TRAF3IP2: variants seen among roughly 807,000 people sequenced by gnomAD.
TRAF3IP2 encodes TRAF3 interacting protein 2.
In TRAF3IP2, 35 loss-of-function variants were observed where a neutral mutation model predicts 57.9. The observed-to-expected ratio is 0.60, with a 90% CI of 0.46 to 0.80. The LOEUF is 0.80. TRAF3IP2 is among the 30% of genes least tolerant of loss of function. The pLI is 0.00. For synonymous variants in TRAF3IP2, 251 were observed against 268.9 expected (o/e 0.93, Z 0.65); for missense variants, 556 against 706.4 (o/e 0.79, Z 2.41).
rs1302451636 is a variant in TRAF3IP2, at chr6:111,605,763, C to T, written c.-9+13G>A. 1.3e-5 allele frequency: 2 copies of T among 152,194 alleles called. No individual in the cohort carries two copies. The highest frequency in any genetic ancestry group is 2.4e-5 in the African/African-American group (1 of 41,422). The allele number at this position is 152,194 out of a possible 1,614,324, so 9.4% of individuals were successfully genotyped here. The stretch of plus-strand genomic sequence containing the variant: ...AAATAAGACCAGGCAAGTGGCAACT[C>T]CGAATAACTTACCTTAGATCCACCA... On this transcript the variant is annotated intron_variant, in intron 1 of 8. Transcript: ENST00000368761.
chr6:111,565,685 C>T (rs796199250), intron 7 of TRAF3IP2, among the ~76,000 whole-genome samples: 10 of 152,270 alleles, frequency 6.6e-5, no homozygotes, highest in African/African-American at 1.9e-4. Flanking sequence ...CCAGTTCCAA[C>T]GCTGGGTGAT....
At chr6:111,600,253 C>A (rs1042784213) in intron 1 of TRAF3IP2, 3 of 152,220 alleles carry the variant, frequency 2.0e-5, no homozygotes, top group African/African-American at 7.2e-5. Flanking sequence ...TGGTTTTACA[C>A]CCAGGTGCTA....
In TRAF3IP2 at chr6:111,566,565, TAATGAG is replaced by T. The variant is rs1795644005; in HGVS notation, c.1360-11_1360-6del. On this transcript the variant is annotated splice_region_variant and splice_polypyrimidine_tract_variant and intron_variant, in intron 6 of 8. Transcript: ENST00000368761. ...TACGATTATCATCACGGTCTTCTGT[TAATGAG>T]AGGGAGAAAGGCATGTTTATGGAAG... 6.2e-7 allele frequency: 1 copy of T among 1,612,242 alleles called. No individual in the cohort carries two copies. The highest frequency in any genetic ancestry group is 2.2e-5 in the East Asian group (1 of 44,886).
In TRAF3IP2 at chr6:111,587,440, AG is replaced by A. The variant is rs1251166705; in HGVS notation, c.829+3817del. 2.6e-5 allele frequency among the ~76,000 whole-genome samples: 4 copies of A among 152,148 alleles called. No individual in the cohort carries two copies. In the East Asian group the frequency reaches 7.7e-4, roughly 29 times the overall value. On this transcript the variant is annotated intron_variant, in intron 2 of 8. Transcript: ENST00000368761. ...GCTGGCTAATTTTTGTATTTTTAGT[AG>A]ACAACATTTCACCATATTGGCCAGG... is the stretch of plus-strand genomic sequence containing the variant.
chr6:111,605,486 C>A (rs1297125651), intron 1 of TRAF3IP2, among the ~76,000 whole-genome samples: 1 of 152,218 alleles, frequency 6.6e-6, no homozygotes, highest in Admixed American at 6.5e-5. Flanking sequence ...ACGAATGGTT[C>A]CCAGGCAGCT....
At position 111,591,777 on chromosome 6, in the gene TRAF3IP2, T is replaced by C. The variant is rs900970982; in HGVS notation, c.310A>G (p.Lys104Glu). 6.2e-7 allele frequency: 1 copy of C among 1,614,230 alleles called. No individual in the cohort carries two copies. The highest frequency in any genetic ancestry group is 8.5e-7 in the Non-Finnish European group (1 of 1,180,032). Residue 104 changes from lysine to glutamate, a missense_variant, in exon 2 of 9, where the codon AAA becomes GAA. Physicochemically the swap from Lys to Glu is moderately conservative, Grantham distance 56 (BLOSUM62 1). Transcript: ENST00000368761. This position sits in a 1 kb window ranked among gnomAD's most constrained non-coding sequence, Gnocchi z 4.9. ...SFCRRHPGLG[K>E]AFPSGCSAVS... ...GCAGAGCACCCAGAAGGGAAAGCTT[T>C]GCCCAGGCCTGGGTGTCTCCTGCAG...
Position 111,601,084 on chromosome 6 carries a change from C to T in TRAF3IP2, c.-9+4692G>A, listed in dbSNP as rs1796845900. 5.0e-6 allele frequency: 3 copies of T among 603,996 alleles called. No homozygotes were observed. In the Admixed American group the frequency reaches 7.1e-5, roughly 14 times the overall value. 37.4% of individuals were successfully genotyped at this position (603,996 alleles called of 1,614,324 possible). On this transcript the variant is annotated intron_variant, in intron 1 of 8. Transcript: ENST00000368761. ...CAGATCCTGTGCACTTAACCGCTTG[C>T]ATCTCGGTTGGGAGCACTGACTGGT...
In TRAF3IP2 at chr6:111,592,065, C is replaced by T. The variant is rs377259004; in HGVS notation, c.22G>A (p.Glu8Lys). MNRSIPV[E>K]VDESEPYPSQ... ...GGGTATGGTTCTGATTCATCAACCT[C>T]CACAGGAATGCTTCGGTTCATTCTA... Residue 8 changes from glutamate to lysine, a missense_variant, in exon 2 of 9, where the codon GAG (glutamate) becomes AAG (lysine). Physicochemically the swap from Glu to Lys is moderately conservative, Grantham distance 56. Transcript: ENST00000368761. 131 of 1,613,892 alleles carry T rather than the reference C, an allele frequency of 8.1e-5. No individual in the cohort carries two copies. Among genetic ancestry groups the T allele is most frequent in the Non-Finnish European group, 1.1e-4 (129 of 1,179,882 alleles).
intron 5 of TRAF3IP2, among the ~76,000 whole-genome samples, chr6:111,571,425 T>G (rs1005600525): frequency 6.6e-6 from 1 of 152,042 alleles, no homozygotes; most frequent in Non-Finnish European, 1.5e-5. Context: ...TTGCCTAGGC[T>G]CGTCCCGAAC....
intron 4 of TRAF3IP2, 135 bp from the exon 5 acceptor site, chr6:111,573,118 C>T: frequency 5.8e-6 from 4 of 686,946 alleles, no homozygotes; most frequent in African/African-American, 1.8e-5. Flanking sequence ...GCTCTAAGAG[C>T]TTATGCCTAC....
rs567251346 is a variant in TRAF3IP2 at position 111,555,995 on chromosome 6, C to A, written c.*3410G>T. On this transcript the variant is annotated 3_prime_UTR_variant, in exon 9 of 9. Transcript: ENST00000368761. ...GCAGGTGCCTGTAGTCACAGCTACT[C>A]GAGAGGCTGAGGCAGGAGAATCGCT... is the stretch of plus-strand genomic sequence containing the variant. Among the ~76,000 whole-genome samples, 1 of 151,544 alleles carries A rather than the reference C, an allele frequency of 6.6e-6. No homozygotes were observed. The highest frequency in any genetic ancestry group is 1.5e-5 in the Non-Finnish European group (1 of 67,994).
intron 6 of TRAF3IP2, 55 bp from the exon 7 acceptor site, chr6:111,566,615 G>T: frequency 6.7e-7 from 1 of 1,488,346 alleles, no homozygotes; most frequent in South Asian, 1.1e-5. Flanking sequence ...CAGGACTGTG[G>T]GCATTCTCTG....
intron 7 of TRAF3IP2, 30 bp downstream of exon 7, chr6:111,566,414 G>A: frequency 6.5e-7 from 1 of 1,534,698 alleles, no homozygotes. Context: ...CCAGGGGACA[G>A]TGAGGTGTTG....
chr6:111,583,447 C>T (rs539636711), intron 2 of TRAF3IP2, among the ~76,000 whole-genome samples: 13 of 152,330 alleles, frequency 8.5e-5, no homozygotes, highest in African/African-American at 2.9e-4. Context: ...CACTCCCCAT[C>T]ACTTGCATTA....
chr6:111,603,227 C>T (rs2128386792), intron 1 of TRAF3IP2, among the ~76,000 whole-genome samples: 1 of 152,258 alleles, frequency 6.6e-6, no homozygotes, highest in East Asian at 1.9e-4. Flanking sequence ...GAAAGGACAG[C>T]CTGAGTTTCA....
intron 8 of TRAF3IP2, 135 bp from the exon 9 acceptor site, chr6:111,559,686 G>T: frequency 9.2e-7 from 1 of 1,092,538 alleles, no homozygotes; most frequent in Non-Finnish European, 1.3e-6. Flanking sequence ...GAGTTGTGCT[G>T]TTTTGCTTTT....
In TRAF3IP2 at chr6:111,575,689, A is replaced by C. The variant is rs919911102; in HGVS notation, c.1155T>G (p.Pro385=). The C allele has an allele frequency of 1.9e-6, 3 of 1,612,502 alleles. No individual in the cohort carries two copies. The African/African-American group carries it at 4.0e-5, about 22-fold the overall frequency. ...TTGTTTTTAGAGTTCCTCTGGCTGG[A>C]GGGTTGCTAGGGGGTCTAGGCACAG... ...PAAVPRPPSN[P]PARGTLKTSN... is the part of the protein sequence containing the mutation. Residue 385 remains proline, a synonymous_variant, in exon 4 of 9, where the codon CCT becomes CCG. Coordinates refer to ENST00000368761, the MANE Select transcript of TRAF3IP2 (RefSeq NM_147686.4).
At chr6:111,576,718 G>A (rs1366317114) in intron 3 of TRAF3IP2, 2 of 152,106 alleles carry the variant, frequency 1.3e-5, no homozygotes, top group Non-Finnish European at 2.9e-5. Flanking sequence ...CTAACCGGTG[G>A]TGGGACTAAA....
At chr6:111,597,855 G>A (rs971764932) in intron 1 of TRAF3IP2, 6 of 455,474 alleles carry the variant, frequency 1.3e-5, no homozygotes, top group Admixed American at 2.4e-5. Context: ...CCATATTTAC[G>A]TGCTTGTAAC....
Sources: allele counts gnomAD v4.1 joint callset (sites outside exome capture counted in the v4.1 genomes callset), GRCh38; gene constraint gnomAD v4.1.1; non-coding constraint Gnocchi (gnomAD v3.1); transcripts MANE v1.5; gene names NCBI Gene and HGNC (gene_info 2026-07-23, HGNC 2026-07-21).